The following KCNK13 variants were observed in gnomAD, a reference collection of about 807,000 sequenced individuals.
KCNK13 encodes potassium channel subfamily K member 13.
In KCNK13, 12 loss-of-function variants were observed where a neutral mutation model predicts 23.4. That is an observed-to-expected ratio of 0.51 (90% CI 0.33 to 0.83). The LOEUF is 0.83. KCNK13 is among the 40% of genes least tolerant of loss of function. The pLI is 0.02. For missense variants in KCNK13, 463 were observed against 556.3 expected (o/e 0.83, Z 1.69); for synonymous variants, 231 against 229.5 (o/e 1.01, Z -0.06).
intron 1 of KCNK13, among the ~76,000 whole-genome samples, chr14:90,073,338 C>CTGCAACCTCT (rs1889098890): frequency 6.6e-6 from 1 of 152,192 alleles, no homozygotes; most frequent in Non-Finnish European, 1.5e-5. Context: ...CTGCCTCCCA[C>CTGCAACCTCT]CGGCAGTCCT....
At chr14:90,135,045 A>G (rs193084290) in intron 1 of KCNK13, among the ~76,000 whole-genome samples, 61 of 152,316 alleles carry the variant, frequency 4.0e-4, no homozygotes, top group African/African-American at 1.3e-3. Flanking sequence ...AGAATCATCA[A>G]TAGATACTTT....
chr14:90,092,127 T>C (rs1444862869), intron 1 of KCNK13, among the ~76,000 whole-genome samples: 2 of 152,132 alleles, frequency 1.3e-5, no homozygotes, highest in East Asian at 1.9e-4. Context: ...TTTCACCATG[T>C]TAGCCAGGAT....
chr14:90,067,158 A>C (rs2140386653), intron 1 of KCNK13, among the ~76,000 whole-genome samples: 1 of 152,340 alleles, frequency 6.6e-6, no homozygotes, highest in South Asian at 2.1e-4. Context: ...AGTCCCAGCT[A>C]CTTGGGAGGC....
At chr14:90,064,387 G>A (rs1888983603) in intron 1 of KCNK13, among the ~76,000 whole-genome samples, 1 of 152,144 alleles carries the variant, frequency 6.6e-6, no homozygotes, top group African/African-American at 2.4e-5. Flanking sequence ...GTGGACAGGT[G>A]CATCCATGTA....
At chr14:90,071,956 G>A (rs1889080689) in intron 1 of KCNK13, among the ~76,000 whole-genome samples, 2 of 151,928 alleles carry the variant, frequency 1.3e-5, no homozygotes, top group South Asian at 4.2e-4. Context: ...ATTAATTAAA[G>A]TCATTAATGA....
intron 1 of KCNK13, among the ~76,000 whole-genome samples, chr14:90,114,542 C>T (rs952967420): frequency 6.6e-6 from 1 of 152,194 alleles, no homozygotes; most frequent in African/African-American, 2.4e-5. Flanking sequence ...TGGGAAAGCC[C>T]GGTTAAGCCT....
chr14:90,079,465 C>A (rs185229112), intron 1 of KCNK13, among the ~76,000 whole-genome samples: 94 of 152,216 alleles, frequency 6.2e-4, no homozygotes, highest in Non-Finnish European at 7.4e-5. Context: ...CCACACCAGC[C>A]AATCATTGGC....
intron 1 of KCNK13, among the ~76,000 whole-genome samples, chr14:90,174,712 T>C (rs181104300): frequency 6.6e-6 from 1 of 151,974 alleles, no homozygotes; most frequent in East Asian, 2.0e-4. Flanking sequence ...AAATTGGTTT[T>C]GTTTGGTATT....
At chr14:90,133,141 T>G (rs971008714) in intron 1 of KCNK13, among the ~76,000 whole-genome samples, 2 of 152,246 alleles carry the variant, frequency 1.3e-5, no homozygotes, top group Non-Finnish European at 2.9e-5. Context: ...ATGGGCCAGA[T>G]GTTTGACAAG....
intron 1 of KCNK13, among the ~76,000 whole-genome samples, chr14:90,115,587 C>T (rs1348114389): frequency 6.6e-6 from 1 of 152,130 alleles, no homozygotes; most frequent in African/African-American, 2.4e-5. Flanking sequence ...TCAGGCTTGC[C>T]GACTATATGG....
intron 1 of KCNK13, among the ~76,000 whole-genome samples, chr14:90,152,168 T>C (rs1165602238): frequency 6.6e-6 from 1 of 152,170 alleles, no homozygotes; most frequent in African/African-American, 2.4e-5. Context: ...TGGTAGTGAA[T>C]GAGTCTCACG....
chr14:90,124,907 TG>T (rs780141685), intron 1 of KCNK13, among the ~76,000 whole-genome samples: 34 of 152,318 alleles, frequency 2.2e-4, no homozygotes, highest in Admixed American at 5.2e-4. Context: ...TTGCAAAATT[TG>T]TAAAAGTAGA....
intron 1 of KCNK13, among the ~76,000 whole-genome samples, chr14:90,148,576 T>C (rs1210486360): frequency 1.3e-5 from 2 of 152,260 alleles, no homozygotes; most frequent in East Asian, 3.9e-4. Context: ...AGGCAAATGA[T>C]GTACAGGGGC....
At chr14:90,126,531 CTTGTTG>C (rs57830227) in intron 1 of KCNK13, among the ~76,000 whole-genome samples, 20 of 150,618 alleles carry the variant, frequency 1.3e-4, no homozygotes, top group Admixed American at 5.3e-4. Context: ...TGACTCTATT[CTTGTTG>C]TTGTTGTTGT....
chr14:90,102,907 G>A (rs1403589865), intron 1 of KCNK13, among the ~76,000 whole-genome samples: 1 of 152,142 alleles, frequency 6.6e-6, no homozygotes, highest in Non-Finnish European at 1.5e-5. Context: ...ATACCCAGTA[G>A]GTAGTTTTTC....
intron 1 of KCNK13, among the ~76,000 whole-genome samples, chr14:90,129,702 A>G (rs1889844594): frequency 6.6e-6 from 1 of 151,828 alleles, no homozygotes; most frequent in Non-Finnish European, 1.5e-5. Context: ...AGCTCTTAGT[A>G]TTATTCATCC....
At chr14:90,087,461 G>A (rs78305464) in intron 1 of KCNK13, among the ~76,000 whole-genome samples, 3,588 of 152,136 alleles carry the variant, frequency 0.024, 70 homozygotes, top group African/African-American at 0.053. Flanking sequence ...CAAAGGCTCC[G>A]GGTAGCAGAA....
At chr14:90,087,135 T>C (rs1422212003) in intron 1 of KCNK13, among the ~76,000 whole-genome samples, 19 of 110,862 alleles carry the variant, frequency 1.7e-4, no homozygotes, top group Middle Eastern at 4.3e-3. Flanking sequence ...TATACATATA[T>C]ATATATATAT....
chr14:90,078,125 G>GAA (rs1428458334), intron 1 of KCNK13, among the ~76,000 whole-genome samples: 1 of 152,110 alleles, frequency 6.6e-6, no homozygotes, highest in Non-Finnish European at 1.5e-5. Flanking sequence ...GCTGTATAAA[G>GAA]AAATGTATAA....
Sources: allele counts gnomAD v4.1 joint callset (sites outside exome capture counted in the v4.1 genomes callset), GRCh38; gene constraint gnomAD v4.1.1; transcripts MANE v1.5; gene names NCBI Gene and HGNC (gene_info 2026-07-23, HGNC 2026-07-21).